BBS4: variants seen among roughly 807,000 people sequenced by gnomAD.
BBS4 encodes the protein BBSome complex member BBS4.
BBS4 carries 58 observed loss-of-function variants against 71.4 expected under a neutral mutation model. The ratio of observed to expected loss-of-function variants is 0.81; its 90% confidence interval spans 0.66 to 1.01. BBS4 has a LOEUF of 1.01. Among genes scored for constraint, BBS4 ranks in the 50% least tolerant of loss-of-function variants. BBS4 has a pLI of 0.00. For synonymous variants in BBS4, 228 were observed against 216.8 expected (o/e 1.05, Z -0.46); for missense variants, 660 against 607.9 (o/e 1.09, Z -0.90).
intron 4 of BBS4, among the ~76,000 whole-genome samples, chr15:72,714,067 G>C (rs1044994476): frequency 3.0e-4 from 46 of 152,220 alleles, no homozygotes; most frequent in African/African-American, 1.1e-3. Context: ...GCTTTTGGAA[G>C]GATTGCTTGT....
intron 2 of BBS4, among the ~76,000 whole-genome samples, chr15:72,696,875 G>C (rs2065086350): frequency 6.6e-6 from 1 of 152,088 alleles, no homozygotes; most frequent in African/African-American, 2.4e-5. Context: ...ACAGGCATGA[G>C]CTATTGCACC....
intron 3 of BBS4, among the ~76,000 whole-genome samples, chr15:72,710,219 T>TTTTC: frequency 1.9e-4 from 23 of 118,732 alleles, no homozygotes; most frequent in African/African-American, 7.5e-4. Context: ...TTTTTTTTTT[T>TTTTC]TGAGATGGAG....
intron 8 of BBS4, among the ~76,000 whole-genome samples, chr15:72,727,207 G>A (rs1046359788): frequency 6.6e-6 from 1 of 152,176 alleles, no homozygotes; most frequent in Non-Finnish European, 1.5e-5. Context: ...TCATTCCTTA[G>A]AAGCAGAAGA....
At chr15:72,705,275 CGAATATTGGTT>C (rs1567407055) in intron 2 of BBS4, among the ~76,000 whole-genome samples, 1 of 151,954 alleles carries the variant, frequency 6.6e-6, no homozygotes, top group African/African-American at 2.4e-5. Flanking sequence ...AGGTACCCAG[CGAATATTGGTT>C]GAATGAATGA....
chr15:72,719,462 G>T (rs1428096545), intron 6 of BBS4, among the ~76,000 whole-genome samples: 2 of 151,644 alleles, frequency 1.3e-5, no homozygotes, highest in African/African-American at 4.8e-5. Context: ...ACCCAGGCTG[G>T]TCTCAAGCTC....
chr15:72,733,786 C>A (rs1315251050), intron 12 of BBS4, among the ~76,000 whole-genome samples: 1 of 152,142 alleles, frequency 6.6e-6, no homozygotes, highest in Non-Finnish European at 1.5e-5. Flanking sequence ...TGGGCATATA[C>A]CCAGTAATGG....
At chr15:72,712,386 A>C (rs1446109629) in intron 4 of BBS4, 79 bp downstream of exon 4, 2 of 1,371,048 alleles carry the variant, frequency 1.5e-6, no homozygotes, top group Non-Finnish European at 2.1e-6. Context: ...GCAATTGAAG[A>C]AACAAGTTCA....
rs147196156 is a variant in BBS4 at position 72,726,716 on chromosome 15, A to G, written c.588-1224A>G. Among the ~76,000 whole-genome samples the G allele has an allele frequency of 4.6e-5, 7 of 152,330 alleles. No individual in the cohort carries two copies. In the East Asian group the frequency reaches 9.7e-4, roughly 21 times the overall value. On this transcript the variant is annotated intron_variant, in intron 8 of 15. Coordinates refer to ENST00000268057, the MANE Select transcript of BBS4 (RefSeq NM_033028.5). ...CAGACTTTTGTCATCAAGAGGCTGT[A>G]TATTTGGGCAAGTAGTAAGGAGCCA... is the stretch of plus-strand genomic sequence containing the variant.
chr15:72,697,824 G>C (rs935818565), intron 2 of BBS4, among the ~76,000 whole-genome samples: 2 of 152,180 alleles, frequency 1.3e-5, no homozygotes, highest in Non-Finnish European at 2.9e-5. Context: ...GCCAACTGTG[G>C]AAGGGATAAA....
intron 2 of BBS4, among the ~76,000 whole-genome samples, chr15:72,706,997 G>T: frequency 6.6e-6 from 1 of 151,556 alleles, no homozygotes; most frequent in East Asian, 1.9e-4. Context: ...TTTAATTTTT[G>T]TGTTCAGGCA....
At chr15:72,711,466 A>G (rs1394957739) in intron 3 of BBS4, among the ~76,000 whole-genome samples, 2 of 152,080 alleles carry the variant, frequency 1.3e-5, no homozygotes, top group East Asian at 3.9e-4. Context: ...TGAATCTTGA[A>G]AGGTTCTCTT....
intron 2 of BBS4, among the ~76,000 whole-genome samples, chr15:72,708,295 A>G (rs2065302047): frequency 6.6e-6 from 1 of 152,092 alleles, no homozygotes; most frequent in Non-Finnish European, 1.5e-5. Context: ...TTATATGTAT[A>G]TTTCTGTTGC....
At chr15:72,725,409 G>T (rs547348864) in intron 8 of BBS4, among the ~76,000 whole-genome samples, 1 of 151,952 alleles carries the variant, frequency 6.6e-6, no homozygotes, top group Admixed American at 6.6e-5. Context: ...TGCACACATC[G>T]TTCCTGCTTA....
At chr15:72,717,011 T>C (rs2065478997) in intron 6 of BBS4, 161 bp downstream of exon 6, 2 of 653,582 alleles carry the variant, frequency 3.1e-6, no homozygotes, top group South Asian at 3.8e-5. Flanking sequence ...AAAAACCATG[T>C]TTCCTCATAA....
chr15:72,726,362 T>C (rs1242710054), intron 8 of BBS4, among the ~76,000 whole-genome samples: 1 of 152,136 alleles, frequency 6.6e-6, no homozygotes, highest in East Asian at 1.9e-4. Flanking sequence ...TCTGCTTGCC[T>C]TGGTCTCCCA....
Position 72,738,294 on chromosome 15 carries a change from G to GT in BBS4, c.*707_*708insT, listed in dbSNP as rs2065967712. 1 of 454,008 alleles carries GT rather than the reference G, an allele frequency of 2.2e-6. No homozygotes were observed. The highest frequency in any genetic ancestry group is 4.4e-6 in the Non-Finnish European group (1 of 226,770). The allele number at this position is 454,008 out of a possible 1,614,324, so 28.1% of individuals were successfully genotyped here. A position where few individuals can be genotyped will look rare whatever the true frequency, so the allele number is the denominator to read the frequency against. ...AGCACCAACGATTTTAAAGAAAAAA[G>GT]GAAGAGTTTCTTAGATGAGTAATTG... On this transcript the variant is annotated 3_prime_UTR_variant, in exon 16 of 16. Coordinates refer to ENST00000268057, the MANE Select transcript of BBS4 (RefSeq NM_033028.5).
chr15:72,735,201 A>G lies in BBS4; in HGVS notation c.1106+19A>G. On this transcript the variant is annotated intron_variant, in intron 13 of 15. Transcript: ENST00000268057. ...TGGATAAGTATGCACTTTGTTGAGAATGGTACTGGCGGGGGTTGGACTCTC... is the reference window on the plus strand; with the variant it reads ...TGGATAAGTATGCACTTTGTTGAGAGTGGTACTGGCGGGGGTTGGACTCTC... 6.2e-7 allele frequency: 1 copy of G among 1,603,892 alleles called. No homozygotes were observed.
intron 2 of BBS4, among the ~76,000 whole-genome samples, chr15:72,703,127 C>G (rs960985023): frequency 3.3e-5 from 5 of 152,154 alleles, no homozygotes; most frequent in African/African-American, 1.2e-4. Context: ...CTGACTCTTG[C>G]AGCCTCCTTT....
intron 1 of BBS4, among the ~76,000 whole-genome samples, chr15:72,690,144 T>TTGA (rs1367861189): frequency 6.6e-6 from 1 of 152,152 alleles, no homozygotes; most frequent in Non-Finnish European, 1.5e-5. Context: ...TTCCCATTAT[T>TTGA]TGATGTATTT....
Sources: gnomAD v4.1 joint callset for allele counts (sites outside exome capture counted in the v4.1 genomes callset) on GRCh38, gnomAD v4.1.1 for gene constraint, MANE v1.5 for transcripts, NCBI Gene and HGNC (gene_info 2026-07-23, HGNC 2026-07-21) for gene names.